The following POU2F1 variants were observed in gnomAD, a reference collection of about 807,000 sequenced individuals.
The protein encoded by POU2F1 is POU domain, class 2, transcription factor 1.
In POU2F1, 16 loss-of-function variants were observed where a neutral mutation model predicts 84.9. That is an observed-to-expected ratio of 0.19 (90% CI 0.13 to 0.29). POU2F1 has a LOEUF of 0.29. Among genes scored for constraint, POU2F1 ranks in the 10% least tolerant of loss-of-function variants. POU2F1 has a pLI of 1.00. For synonymous variants in POU2F1, 368 were observed against 368.3 expected, an observed-to-expected ratio of 1.00 and a Z score of 0.01; for missense variants, 738 against 942.6, an observed-to-expected ratio of 0.78 and a Z score of 2.84.
At chr1:167,312,292 T>C (rs1571278630) in intron 1 of POU2F1, among the ~76,000 whole-genome samples, 1 of 151,238 alleles carries the variant, frequency 6.6e-6, no homozygotes, top group Non-Finnish European at 1.5e-5. Context: ...TGGAGTACAG[T>C]GGCACGATCT....
intron 1 of POU2F1, among the ~76,000 whole-genome samples, chr1:167,329,465 G>A (rs1221826243): frequency 6.6e-6 from 1 of 152,162 alleles, no homozygotes; most frequent in East Asian, 1.9e-4. Flanking sequence ...CAAAGCACAA[G>A]CTTACTTGAA....
intron 1 of POU2F1, among the ~76,000 whole-genome samples, chr1:167,237,882 C>T (rs977337774): frequency 1.7e-4 from 24 of 143,884 alleles, no homozygotes; most frequent in African/African-American, 5.7e-4. Context: ...AGGGTTCAAG[C>T]GATTCTCCTG....
intron 1 of POU2F1, among the ~76,000 whole-genome samples, chr1:167,260,192 T>C (rs535718103): frequency 1.3e-5 from 2 of 152,336 alleles, no homozygotes; most frequent in African/African-American, 4.8e-5. Context: ...GTGTTTCTTC[T>C]ATGAATTGCC....
intron 15 of POU2F1, among the ~76,000 whole-genome samples, chr1:167,414,923 G>A (rs1480831289): frequency 6.6e-6 from 1 of 151,850 alleles, no homozygotes; most frequent in Non-Finnish European, 1.5e-5. Context: ...ACCAGGGACT[G>A]GTTTTCTGGA....
chr1:167,356,163 CT>C (rs1187844604), intron 2 of POU2F1, among the ~76,000 whole-genome samples: 278 of 129,838 alleles, frequency 2.1e-3, no homozygotes, highest in East Asian at 5.5e-3. Flanking sequence ...TTTTCTTTTT[CT>C]TTTTTTTTTT....
intron 1 of POU2F1, among the ~76,000 whole-genome samples, chr1:167,280,442 C>T (rs1653053749): frequency 6.6e-6 from 1 of 151,728 alleles, no homozygotes; most frequent in Non-Finnish European, 1.5e-5. Flanking sequence ...GAACACTTCC[C>T]ACTAGTGAAC....
At chr1:167,221,087 C>CG in intron 1 of POU2F1, 129 bp downstream of exon 1, 1 of 882,596 alleles carries the variant, frequency 1.1e-6, no homozygotes, top group Admixed American at 2.2e-5. Context: ...GATGGGGGGC[C>CG]GGGGAGCATT....
intron 1 of POU2F1, among the ~76,000 whole-genome samples, chr1:167,326,338 T>G (rs1213816038): frequency 6.6e-6 from 1 of 152,222 alleles, no homozygotes; most frequent in Non-Finnish European, 1.5e-5. Context: ...GTCTAATTGA[T>G]TCTTTGCTAT....
intron 1 of POU2F1, among the ~76,000 whole-genome samples, chr1:167,230,370 A>G (rs908361922): frequency 6.7e-6 from 1 of 150,300 alleles, no homozygotes; most frequent in African/African-American, 2.4e-5. Context: ...TTCACCATGG[A>G]TTTTTTTTTT....
intron 1 of POU2F1, among the ~76,000 whole-genome samples, chr1:167,286,422 A>C (rs1653532254): frequency 6.6e-6 from 1 of 152,218 alleles, no homozygotes; most frequent in Non-Finnish European, 1.5e-5. Context: ...TAGAGCATTC[A>C]TCAAAACCTC....
chr1:167,407,418 C>T, intron 13 of POU2F1, among the ~76,000 whole-genome samples: 1 of 152,116 alleles, frequency 6.6e-6, no homozygotes, highest in East Asian at 1.9e-4. Flanking sequence ...TCGATAAACT[C>T]TTGGAAGGGA....
At chr1:167,329,718 C>T (rs567691246) in intron 1 of POU2F1, among the ~76,000 whole-genome samples, 1 of 151,880 alleles carries the variant, frequency 6.6e-6, no homozygotes, top group East Asian at 1.9e-4. Context: ...TATACAAAAA[C>T]CAAAATGCTC....
intron 1 of POU2F1, among the ~76,000 whole-genome samples, chr1:167,269,678 C>T (rs903957093): frequency 4.6e-5 from 7 of 152,070 alleles, no homozygotes; most frequent in African/African-American, 1.7e-4. Flanking sequence ...TTTGGGAGGC[C>T]GTGGTGGGCA....
rs371942170 is a variant in POU2F1 at position 167,412,312 on chromosome 1, G to T, written c.1901+8G>T. On this transcript the variant is annotated splice_region_variant and intron_variant, in intron 14 of 15. Transcript: ENST00000367866. The stretch of plus-strand genomic sequence containing the variant: ...CTCACAGTTTGCGGCTGGGTAAGGC[G>T]CTTTCTCATCTCATTCACGTCTGAG... 1 of 1,525,662 alleles carries T rather than the reference G, an allele frequency of 6.6e-7. No individual in the cohort carries two copies. Among genetic ancestry groups the T allele is most frequent in the South Asian group, 1.2e-5 (1 of 80,968 alleles). The allele number at this position is 1,525,662 out of a possible 1,614,324, so 94.5% of individuals were successfully genotyped here. A position where few individuals can be genotyped will look rare whatever the true frequency, so the allele number is the denominator to read the frequency against.
rs190158249 is a variant in POU2F1, at chr1:167,359,573, A to C, written c.128-5894A>C. Among the ~76,000 whole-genome samples the C allele has an allele frequency of 3.9e-5, 6 of 152,298 alleles. No homozygotes were observed. The East Asian group carries it at 1.2e-3, about 29-fold the overall frequency. ...CATATGTACCATATTTTCTTTATCT[A>C]ATCCACTGTTTTGGGCACTTGGGTT... is the stretch of plus-strand genomic sequence containing the variant. On this transcript the variant is annotated intron_variant, in intron 2 of 15. Transcript: ENST00000367866.
intron 1 of POU2F1, among the ~76,000 whole-genome samples, chr1:167,316,206 A>G (rs748192906): frequency 3.9e-5 from 6 of 152,218 alleles, no homozygotes; most frequent in Non-Finnish European, 8.8e-5. Context: ...ATAGAAGCAT[A>G]CTTTATATCA....
intron 8 of POU2F1, among the ~76,000 whole-genome samples, chr1:167,385,020 T>C (rs889388442): frequency 2.0e-5 from 3 of 152,084 alleles, no homozygotes; most frequent in African/African-American, 7.2e-5. Flanking sequence ...ACAAACTCAA[T>C]ATATAAAAAT....
At chr1:167,318,029 G>A (rs1329676651) in intron 1 of POU2F1, among the ~76,000 whole-genome samples, 1 of 152,182 alleles carries the variant, frequency 6.6e-6, no homozygotes, top group African/African-American at 2.4e-5. Context: ...TGGGTTAATA[G>A]CTGCTAATCA....
Position 167,424,769 on chromosome 1 carries a change from T to A in POU2F1, c.*8959T>A, listed in dbSNP as rs1271399873. The A allele has an allele frequency of 6.6e-6, 1 of 152,260 alleles. No individual in the cohort carries two copies. Among genetic ancestry groups the A allele is most frequent in the African/African-American group, 2.4e-5 (1 of 41,436 alleles). 9.4% of individuals were successfully genotyped at this position (152,260 alleles called of 1,614,324 possible). A position where few individuals can be genotyped will look rare whatever the true frequency, so the allele number is the denominator to read the frequency against. ...TCTTCACAGGTCTCTTAACATCTGC[T>A]TTCCCTGCCACCCTGCCTTTAGGGG... On this transcript the variant is annotated 3_prime_UTR_variant, in exon 16 of 16. Coordinates refer to ENST00000367866, the MANE Select transcript of POU2F1 (RefSeq NM_002697.4).
Sources: gnomAD v4.1 joint callset for allele counts (sites outside exome capture counted in the v4.1 genomes callset) on GRCh38, gnomAD v4.1.1 for gene constraint, MANE v1.5 for transcripts, NCBI Gene and HGNC (gene_info 2026-07-23, HGNC 2026-07-21) for gene names.